The following PRKAR1B variants were observed in gnomAD, a reference collection of about 807,000 sequenced individuals.
PRKAR1B encodes cAMP-dependent protein kinase type I-beta regulatory subunit.
Under a neutral mutation model 46.5 loss-of-function variants are expected in PRKAR1B, and 22 were observed. That is an observed-to-expected ratio of 0.47 (90% CI 0.34 to 0.68). PRKAR1B has a LOEUF of 0.68. Among genes scored for constraint, PRKAR1B ranks in the 30% least tolerant of loss-of-function variants. The pLI, the probability that PRKAR1B is intolerant of heterozygous loss-of-function variation, is 0.01. For missense variants in PRKAR1B, 445 were observed against 535.6 expected (o/e 0.83, Z 1.67); for synonymous variants, 259 against 217.7 (o/e 1.19, Z -1.67).
intron 4 of PRKAR1B, among the ~76,000 whole-genome samples, chr7:635,792 G>C (rs998244779): frequency 1.3e-5 from 2 of 152,088 alleles, no homozygotes; most frequent in Admixed American, 6.5e-5. Context: ...TTTGGAGGCA[G>C]GAGTTGGTCC....
intron 1 of PRKAR1B, among the ~76,000 whole-genome samples, chr7:718,334 A>G (rs1028697938): frequency 3.3e-5 from 5 of 149,766 alleles, no homozygotes; most frequent in Non-Finnish European, 5.9e-5. Flanking sequence ...ATGTATGTAT[A>G]TATATATATA....
chr7:574,324 G>A (rs925344355), intron 9 of PRKAR1B, among the ~76,000 whole-genome samples: 3 of 152,292 alleles, frequency 2.0e-5, no homozygotes, highest in Admixed American at 6.5e-5. Flanking sequence ...GGCTGAGAAA[G>A]CTGGGAAGCC....
At chr7:613,041 G>A (rs1331522186) in intron 4 of PRKAR1B, among the ~76,000 whole-genome samples, 1 of 152,090 alleles carries the variant, frequency 6.6e-6, no homozygotes, top group Non-Finnish European at 1.5e-5. Flanking sequence ...TAAAAATGGT[G>A]GTGTAGATAC....
chr7:645,063 T>G (rs975990977), intron 4 of PRKAR1B, among the ~76,000 whole-genome samples: 5 of 152,096 alleles, frequency 3.3e-5, no homozygotes, highest in African/African-American at 7.2e-5. Flanking sequence ...GATTTAGAAA[T>G]CCGGAAGAGA....
chr7:614,850 T>TGA (rs1180683128), intron 4 of PRKAR1B, among the ~76,000 whole-genome samples: 177 of 152,152 alleles, frequency 1.2e-3, no homozygotes, highest in African/African-American at 4.0e-3. Flanking sequence ...AGGCGGAGGT[T>TGA]ACCATGAGCT....
chr7:554,862 G>A (rs986493566), intron 9 of PRKAR1B, among the ~76,000 whole-genome samples: 7 of 152,040 alleles, frequency 4.6e-5, no homozygotes, highest in Admixed American at 6.5e-5. Context: ...CCACAGAGCC[G>A]GAAGATAGGG....
At chr7:642,263 A>G (rs1784427776) in intron 4 of PRKAR1B, among the ~76,000 whole-genome samples, 1 of 152,226 alleles carries the variant, frequency 6.6e-6, no homozygotes, top group Non-Finnish European at 1.5e-5. Flanking sequence ...GGAAGTGAGG[A>G]TTAACCATAA....
intron 1 of PRKAR1B, among the ~76,000 whole-genome samples, chr7:724,364 C>G (rs1781176734): frequency 6.6e-6 from 1 of 152,142 alleles, no homozygotes; most frequent in Admixed American, 6.5e-5. Flanking sequence ...CTGTGCTGTT[C>G]CTATGATGGT....
At chr7:721,718 G>A (rs191420806) in intron 1 of PRKAR1B, among the ~76,000 whole-genome samples, 79 of 152,222 alleles carry the variant, frequency 5.2e-4, no homozygotes, top group East Asian at 3.5e-3. Flanking sequence ...AGGTCTGCTA[G>A]CAATAAATTC....
intron 2 of PRKAR1B, 40 bp downstream of exon 2, chr7:711,289 C>T: frequency 6.2e-7 from 1 of 1,608,966 alleles, no homozygotes; most frequent in Non-Finnish European, 8.5e-7. Context: ...TGCCCCAGGA[C>T]ACGTGCGAAG....
intron 2 of PRKAR1B, among the ~76,000 whole-genome samples, chr7:694,100 C>T (rs1386530571): frequency 6.6e-6 from 1 of 151,980 alleles, no homozygotes; most frequent in Admixed American, 6.6e-5. Context: ...CTGGCTAACA[C>T]GGTAAAACCC....
At chr7:625,271 G>C (rs1422009112) in intron 4 of PRKAR1B, among the ~76,000 whole-genome samples, 3 of 152,182 alleles carry the variant, frequency 2.0e-5, no homozygotes, top group Non-Finnish European at 4.4e-5. Context: ...GCAACACTTA[G>C]AGGGAAATCT....
intron 9 of PRKAR1B, among the ~76,000 whole-genome samples, chr7:569,484 G>A (rs986475589): frequency 7.2e-5 from 11 of 152,246 alleles, no homozygotes; most frequent in Non-Finnish European, 1.3e-4. Flanking sequence ...GAGGGCAGCC[G>A]TGACGTGCCC....
chr7:614,827 G>A (rs372699691), intron 4 of PRKAR1B, among the ~76,000 whole-genome samples: 1 of 152,078 alleles, frequency 6.6e-6, no homozygotes, highest in South Asian at 2.1e-4. Flanking sequence ...CAGGAGAATT[G>A]CTTGAACCTG....
intron 4 of PRKAR1B, among the ~76,000 whole-genome samples, chr7:673,739 G>A (rs1005161858): frequency 7.2e-5 from 11 of 152,100 alleles, no homozygotes; most frequent in Non-Finnish European, 1.5e-4. Flanking sequence ...CTCTGTGCAC[G>A]TATCCCAGGG....
intron 1 of PRKAR1B, among the ~76,000 whole-genome samples, chr7:720,687 T>C (rs1375555400): frequency 6.6e-6 from 1 of 152,252 alleles, no homozygotes; most frequent in Non-Finnish European, 1.5e-5. Flanking sequence ...ACATTTGGGA[T>C]TGCTGTTATC....
intron 6 of PRKAR1B, among the ~76,000 whole-genome samples, chr7:598,663 A>G (rs1781418290): frequency 6.6e-6 from 1 of 152,078 alleles, no homozygotes; most frequent in African/African-American, 2.4e-5. Flanking sequence ...CCCTCCCTCC[A>G]GCACCCTCTG....
chr7:679,910 G>C (rs1480923135), intron 3 of PRKAR1B, among the ~76,000 whole-genome samples: 1 of 152,166 alleles, frequency 6.6e-6, no homozygotes, highest in Non-Finnish European at 1.5e-5. Flanking sequence ...CGTAACCCCA[G>C]CACTTTGGGA....
chr7:572,436 T>C (rs1231273730), intron 9 of PRKAR1B, among the ~76,000 whole-genome samples: 3 of 151,716 alleles, frequency 2.0e-5, no homozygotes, highest in African/African-American at 7.3e-5. Context: ...CCCGCGGGGG[T>C]CTCGGGAGTT....
Sources: allele counts gnomAD v4.1 joint callset (sites outside exome capture counted in the v4.1 genomes callset), GRCh38; gene constraint gnomAD v4.1.1; transcripts MANE v1.5; gene names NCBI Gene and HGNC (gene_info 2026-07-23, HGNC 2026-07-21).